The following ADAMTS9 variants were observed in gnomAD, a reference collection of about 807,000 sequenced individuals.
The protein encoded by ADAMTS9 is ADAM metallopeptidase with thrombospondin type 1 motif 9.
A neutral mutation model predicts 257.1 loss-of-function variants in ADAMTS9; 107 were observed. That is an observed-to-expected ratio of 0.42 (90% CI 0.36 to 0.49). The LOEUF (loss-of-function observed/expected upper bound fraction) is 0.49. Among genes scored for constraint, ADAMTS9 ranks in the 20% least tolerant of loss-of-function variants. The probability of loss-of-function intolerance (pLI) is 0.03; values close to 1 mark genes in which losing one functional copy is unlikely to be tolerated. For synonymous variants in ADAMTS9, 982 were observed against 880.9 expected, an observed-to-expected ratio of 1.11 and a Z score of -2.03; for missense variants, 2,353 against 2,469.1, an observed-to-expected ratio of 0.95 and a Z score of 1.00.
In ADAMTS9 at chr3:64,549,507, T is replaced by C. The variant is rs373590126; in HGVS notation, c.4869+1385A>G. Among the ~76,000 whole-genome samples the C allele has an allele frequency of 7.9e-5, 12 of 152,170 alleles. No homozygotes were observed. In the East Asian group the frequency reaches 2.1e-3, roughly 27 times the overall value. Reference sequence around the variant, plus strand: ...CACTCATTTGGATTCCACATGTTCCTGGCTGGCCAAGAGCAAATCAATGTC... The same window carrying C: ...CACTCATTTGGATTCCACATGTTCCCGGCTGGCCAAGAGCAAATCAATGTC... On this transcript the variant is annotated intron_variant, in intron 31 of 39. Transcript: ENST00000498707.
At chr3:64,600,355 G>T (rs4688212) in intron 26 of ADAMTS9, among the ~76,000 whole-genome samples, 86,696 of 151,904 alleles carry the variant, frequency 0.57, 27,445 homozygotes, top group African/African-American at 0.86. Flanking sequence ...CTCACTTAAC[G>T]TAGGGGAAAA....
intron 3 of ADAMTS9, among the ~76,000 whole-genome samples, chr3:64,661,792 A>T (rs1320637822): frequency 6.6e-6 from 1 of 152,054 alleles, no homozygotes; most frequent in Non-Finnish European, 1.5e-5. Context: ...TATATCACTT[A>T]TACTGTGAAA....
chr3:64,533,104 TA>T (rs2083003803), intron 38 of ADAMTS9, 61 bp downstream of exon 38: 3 of 1,473,064 alleles, frequency 2.0e-6, no homozygotes, highest in African/African-American at 1.4e-5. Context: ...ACCACAGTAA[TA>T]AAGACAAGAA....
chr3:64,600,052 T>C (rs1261690267), intron 26 of ADAMTS9, among the ~76,000 whole-genome samples: 1 of 32,508 alleles, frequency 3.1e-5, no homozygotes, highest in Non-Finnish European at 4.6e-5. Flanking sequence ...GTTTCTGTTC[T>C]TTTTTTTTTT....
At chr3:64,580,367 C>A (rs775305937) in intron 28 of ADAMTS9, among the ~76,000 whole-genome samples, 91 of 152,092 alleles carry the variant, frequency 6.0e-4, no homozygotes, top group Non-Finnish European at 1.1e-3. Context: ...ATACCGAGCC[C>A]AAGATTTTGT....
chr3:64,541,689 A>C, intron 33 of ADAMTS9, 69 bp from the exon 34 acceptor site: 1 of 1,558,984 alleles, frequency 6.4e-7, no homozygotes, highest in Non-Finnish European at 8.8e-7. Context: ...CTATAGAATG[A>C]ATGACATTGT....
intron 21 of ADAMTS9, among the ~76,000 whole-genome samples, chr3:64,614,422 T>C (rs552882695): frequency 1.4e-4 from 21 of 152,342 alleles, no homozygotes; most frequent in Admixed American, 1.0e-3. Flanking sequence ...GCATTAAGAG[T>C]ATCCTTTTCA....
intron 31 of ADAMTS9, among the ~76,000 whole-genome samples, chr3:64,547,503 T>C (rs1015434590): frequency 2.1e-5 from 3 of 141,198 alleles, no homozygotes; most frequent in African/African-American, 7.7e-5. Context: ...TCTCTCTCCC[T>C]GGCTATAGAT....
rs114153945 is a variant in ADAMTS9 at position 64,594,578 on chromosome 3, A to G, written c.4180-144T>C. On this transcript the variant is annotated intron_variant, in intron 27 of 39. Coordinates refer to ENST00000498707, the MANE Select transcript of ADAMTS9 (RefSeq NM_182920.2). ...CAGATGGAACCAAGGTGAATTACCA[A>G]TAGTGATACGTAAAACAGACCAAGA... 6.7e-3 allele frequency: 6,252 copies of G among 936,756 alleles called. 30 individuals are homozygous for G. Among genetic ancestry groups the G allele is most frequent in the Non-Finnish European group, 9.1e-3 (5,617 of 616,980 alleles). 58.0% of individuals were successfully genotyped at this position (936,756 alleles called of 1,614,324 possible). A position where few individuals can be genotyped will look rare whatever the true frequency, so the allele number is the denominator to read the frequency against.
In ADAMTS9 at chr3:64,655,865, A is replaced by G; in HGVS notation, c.980T>C (p.Ile327Thr). 4 of 1,558,674 alleles carry G rather than the reference A, an allele frequency of 2.6e-6. No individual in the cohort carries two copies. Among genetic ancestry groups the G allele is most frequent in the Non-Finnish European group, 3.5e-6 (4 of 1,158,844 alleles). The change falls in exon 5 of 40, where the codon ATC (isoleucine) becomes ACC (threonine). Residue 327 changes from isoleucine (I) to threonine (T), a missense_variant. By Grantham distance (89) the Ile-to-Thr change is moderately conservative. Transcript: ENST00000498707. ...ATTTCCAATACTTGGGTCTTTATAG[A>G]TAGAGGCTACCTGCAACCGAGATAA... Reference protein sequence around the residue: ...ILTLMSIVASIYKDPSIGNLI... With the variant: ...ILTLMSIVASTYKDPSIGNLI...
intron 28 of ADAMTS9, among the ~76,000 whole-genome samples, chr3:64,577,935 C>T (rs903528973): frequency 1.3e-5 from 2 of 152,218 alleles, no homozygotes; most frequent in South Asian, 2.1e-4. Flanking sequence ...CTGTCTGGCC[C>T]TTCTTCTGTA....
At chr3:64,564,281 A>G (rs547205477) in intron 29 of ADAMTS9, among the ~76,000 whole-genome samples, 1 of 152,348 alleles carries the variant, frequency 6.6e-6, no homozygotes, top group Admixed American at 6.5e-5. Flanking sequence ...AGTATGCAGA[A>G]CTCACCAACT....
intron 29 of ADAMTS9, among the ~76,000 whole-genome samples, chr3:64,566,981 C>A (rs953794192): frequency 6.6e-6 from 1 of 151,900 alleles, no homozygotes; most frequent in African/African-American, 2.4e-5. Context: ...AAAGGAGGAA[C>A]CAGCTCTGGC....
chr3:64,659,178 T>C (rs1466791120), intron 3 of ADAMTS9, among the ~76,000 whole-genome samples: 1 of 152,116 alleles, frequency 6.6e-6, no homozygotes, highest in Non-Finnish European at 1.5e-5. Context: ...CTGAAAAACT[T>C]AAATGGAGGC....
At chr3:64,567,637 C>T (rs1207378358) in intron 29 of ADAMTS9, among the ~76,000 whole-genome samples, 1 of 151,674 alleles carries the variant, frequency 6.6e-6, no homozygotes, top group African/African-American at 2.4e-5. Context: ...CAGTTCCTGA[C>T]TAGCTTATGA....
At chr3:64,525,068 T>C (rs1299112736) in intron 38 of ADAMTS9, among the ~76,000 whole-genome samples, 1 of 152,222 alleles carries the variant, frequency 6.6e-6, no homozygotes, top group East Asian at 1.9e-4. Flanking sequence ...AATTCTTTCT[T>C]TAACATCTGT....
chr3:64,637,020 G>A (rs1398073105), intron 12 of ADAMTS9, among the ~76,000 whole-genome samples: 1 of 152,136 alleles, frequency 6.6e-6, no homozygotes, highest in East Asian at 1.9e-4. Flanking sequence ...TGTCTCCCTT[G>A]AGACAGGCCT....
At chr3:64,593,956 GTA>G (rs2084308964) in intron 28 of ADAMTS9, among the ~76,000 whole-genome samples, 3 of 97,580 alleles carry the variant, frequency 3.1e-5, no homozygotes, top group African/African-American at 2.5e-4. Context: ...ATGTGTGTGT[GTA>G]TGATGTGTGT....
In ADAMTS9 at chr3:64,622,287, T is replaced by C; in HGVS notation, c.2597A>G (p.Tyr866Cys). The change falls in exon 18 of 40, where the codon TAT (tyrosine) becomes TGT (cysteine). Residue 866 changes from tyrosine to cysteine, a missense_variant. This residue lies in a region of ADAMTS9 where 1,402 missense variants were observed against 1,441.4 expected (regional missense o/e 0.97). Coordinates refer to ENST00000498707, the MANE Select transcript of ADAMTS9 (RefSeq NM_182920.2). ...VGKLYNPDVR[Y>C]SFNIPIEDKP... Reference sequence around the variant, plus strand: ...ATCTTCAATTGGAATATTGAAAGAATAGCGTACATCGGGGTTGTACAACTT... The same window carrying C: ...ATCTTCAATTGGAATATTGAAAGAACAGCGTACATCGGGGTTGTACAACTT... 1 of 1,613,932 alleles carries C rather than the reference T, an allele frequency of 6.2e-7. No individual in the cohort carries two copies. Among genetic ancestry groups the C allele is most frequent in the Non-Finnish European group, 8.5e-7 (1 of 1,179,944 alleles).
Sources: allele counts gnomAD v4.1 joint callset (sites outside exome capture counted in the v4.1 genomes callset), GRCh38; gene constraint gnomAD v4.1.1; regional missense constraint gnomAD v4.1.1; transcripts MANE v1.5; gene names NCBI Gene and HGNC (gene_info 2026-07-23, HGNC 2026-07-21).